The following CNKSR3 variants were observed in gnomAD, a reference collection of about 807,000 sequenced individuals.
CNKSR3 encodes the protein connector enhancer of kinase suppressor of ras 3.
In CNKSR3, 36 loss-of-function variants were observed where a neutral mutation model predicts 67.7. That is an observed-to-expected ratio of 0.53 (90% CI 0.41 to 0.70). The LOEUF is 0.70. Ranked by LOEUF, CNKSR3 falls within the 30% of genes least tolerant of loss-of-function variation. The pLI is 0.00. For missense variants in CNKSR3, 630 were observed against 695.2 expected (o/e 0.91, Z 1.05); for synonymous variants, 281 against 271.4 (o/e 1.04, Z -0.35).
intron 1 of CNKSR3, among the ~76,000 whole-genome samples, chr6:154,474,320 G>A (rs1786395001): frequency 6.6e-6 from 1 of 151,592 alleles, no homozygotes. Flanking sequence ...GGCTGAGGCA[G>A]GGGAATCGCT....
At chr6:154,441,660 T>G (rs1422735858) in intron 3 of CNKSR3, among the ~76,000 whole-genome samples, 1 of 151,948 alleles carries the variant, frequency 6.6e-6, no homozygotes, top group Non-Finnish European at 1.5e-5. Flanking sequence ...AATTTTGTAT[T>G]AAATTAGTTT....
At chr6:154,500,662 T>C (rs939393577) in intron 1 of CNKSR3, among the ~76,000 whole-genome samples, 1 of 152,216 alleles carries the variant, frequency 6.6e-6, no homozygotes, top group South Asian at 2.1e-4. Context: ...ACCAAAAGTA[T>C]GGGAGCTATA....
chr6:154,444,684 C>T (rs1785671242), intron 2 of CNKSR3, among the ~76,000 whole-genome samples: 1 of 150,804 alleles, frequency 6.6e-6, no homozygotes, highest in Admixed American at 6.6e-5. Flanking sequence ...CGGCTCACTG[C>T]AACCTCTGAC....
rs767855966 is a variant in CNKSR3 at position 154,406,561 on chromosome 6, G to A, written c.1461C>T (p.Pro487=). The change falls in exon 13 of 13, where the codon CCC becomes CCT. Residue 487 remains proline, a synonymous_variant. Transcript: ENST00000607772. ...CCCGGACCAGATGCCGCTCGGTCGTGGGTCTGGAGAACCGGTATGGGGGAG... is the reference window on the plus strand; with the variant it reads ...CCCGGACCAGATGCCGCTCGGTCGTAGGTCTGGAGAACCGGTATGGGGGAG... ...SSSPPYRFSR[P]TTERHLVRGA... The A allele has an allele frequency of 3.1e-6, 5 of 1,614,070 alleles. No homozygotes were observed. The African/African-American group carries it at 6.7e-5, about 22-fold the overall frequency.
chr6:154,493,193 G>C (rs6899353), intron 1 of CNKSR3, among the ~76,000 whole-genome samples: 58,855 of 151,900 alleles, frequency 0.39, 11,573 homozygotes, highest in African/African-American at 0.47. Flanking sequence ...TGCACTCGCT[G>C]TTCCCTTTGT....
In CNKSR3 at chr6:154,414,394, G is replaced by C. The variant is rs1784971903; in HGVS notation, c.975C>G (p.Ser325=). The C allele has an allele frequency of 6.2e-7, 1 of 1,605,142 alleles. No individual in the cohort carries two copies. Among genetic ancestry groups the C allele is most frequent in the Non-Finnish European group, 8.5e-7 (1 of 1,177,250 alleles). ...GTGAGGTATCCATAGTGCTTTCAGGGGACTGGGTTGTCGCGGGTGGAGGTG... is the reference window on the plus strand; with the variant it reads ...GTGAGGTATCCATAGTGCTTTCAGGCGACTGGGTTGTCGCGGGTGGAGGTG... ...QTSPPPATTQ[S]PESTMDTSLK... Residue 325 remains serine, a synonymous_variant, in exon 10 of 13, where the codon TCC becomes TCG. Coordinates refer to ENST00000607772, the MANE Select transcript of CNKSR3 (RefSeq NM_173515.4).
intron 1 of CNKSR3, among the ~76,000 whole-genome samples, chr6:154,500,157 C>G (rs1020058908): frequency 3.3e-5 from 5 of 151,994 alleles, no homozygotes; most frequent in African/African-American, 1.2e-4. Context: ...CATATTCCAA[C>G]TAGTATTTTG....
intron 1 of CNKSR3, among the ~76,000 whole-genome samples, chr6:154,459,351 AC>A (rs1352875382): frequency 6.6e-6 from 1 of 152,194 alleles, no homozygotes; most frequent in Non-Finnish European, 1.5e-5. Flanking sequence ...CCAACTTACA[AC>A]CAGCAAAGTT....
chr6:154,447,025 C>T (rs771480776), intron 2 of CNKSR3, among the ~76,000 whole-genome samples: 2 of 152,118 alleles, frequency 1.3e-5, no homozygotes, highest in Admixed American at 6.5e-5. Context: ...AGGATGGTCT[C>T]GATATCCTGA....
chr6:154,473,579 G>T (rs1269621349), intron 1 of CNKSR3, among the ~76,000 whole-genome samples: 1 of 152,204 alleles, frequency 6.6e-6, no homozygotes, highest in African/African-American at 2.4e-5. Context: ...GTTGTACAGT[G>T]AGCGCATGCA....
chr6:154,396,844 G>T lies in CNKSR3; in HGVS notation c.*9510C>A, dbSNP rs910397684. The T allele has an allele frequency of 1.3e-5, 2 of 150,676 alleles. No homozygotes were observed. Among genetic ancestry groups the T allele is most frequent in the African/African-American group, 4.9e-5 (2 of 40,910 alleles). The allele number at this position is 150,676 out of a possible 1,614,324, so 9.3% of individuals were successfully genotyped here. ...AGACGGAGTCTCGCTCTGTCTCCCAGGCTGGAGTGCAGTGGCGCAATCTCG... is the reference window on the plus strand; with the variant it reads ...AGACGGAGTCTCGCTCTGTCTCCCATGCTGGAGTGCAGTGGCGCAATCTCG... On this transcript the variant is annotated 3_prime_UTR_variant, in exon 13 of 13. Transcript: ENST00000607772.
At chr6:154,469,537 G>A (rs760271667) in intron 1 of CNKSR3, among the ~76,000 whole-genome samples, 5 of 152,246 alleles carry the variant, frequency 3.3e-5, no homozygotes, top group Non-Finnish European at 5.9e-5. Flanking sequence ...ACAGTGGGAC[G>A]ATGACACCAG....
At chr6:154,452,011 C>T (rs1785845388) in intron 1 of CNKSR3, among the ~76,000 whole-genome samples, 2 of 152,184 alleles carry the variant, frequency 1.3e-5, no homozygotes, top group Non-Finnish European at 2.9e-5. Flanking sequence ...GACCAACACC[C>T]TACCTGGGCT....
rs1784621359 is a variant in CNKSR3 at position 154,392,693 on chromosome 6, T to C, written c.*13661A>G. On this transcript the variant is annotated 3_prime_UTR_variant, in exon 13 of 13. Transcript: ENST00000607772. ...CAAACTAGCAGCAGGATTTGCTTCA[T>C]TAGCATCGATGTTTGGGGAACAAGG... 1 of 152,274 alleles carries C rather than the reference T, an allele frequency of 6.6e-6. No homozygotes were observed. Among genetic ancestry groups the C allele is most frequent in the Non-Finnish European group, 1.5e-5 (1 of 68,066 alleles). 9.4% of individuals were successfully genotyped at this position (152,274 alleles called of 1,614,324 possible).
At chr6:154,460,020 C>A (rs1319486265) in intron 1 of CNKSR3, among the ~76,000 whole-genome samples, 1 of 152,224 alleles carries the variant, frequency 6.6e-6, no homozygotes, top group Non-Finnish European at 1.5e-5. Context: ...CAACTTCTGA[C>A]GACTGTGAAA....
At chr6:154,497,951 A>G (rs1019613988) in intron 1 of CNKSR3, among the ~76,000 whole-genome samples, 3 of 152,218 alleles carry the variant, frequency 2.0e-5, no homozygotes, top group African/African-American at 7.2e-5. Flanking sequence ...TTTAGGTGAT[A>G]TGTGAAAACT....
chr6:154,486,584 C>T (rs1292178851), intron 1 of CNKSR3, among the ~76,000 whole-genome samples: 1 of 145,944 alleles, frequency 6.9e-6, no homozygotes, highest in Non-Finnish European at 1.5e-5. Flanking sequence ...CCTCCCCCTC[C>T]TGGGTTCCAG....
intron 1 of CNKSR3, among the ~76,000 whole-genome samples, chr6:154,489,465 A>T (rs1440145954): frequency 6.6e-6 from 1 of 152,176 alleles, no homozygotes; most frequent in Non-Finnish European, 1.5e-5. Flanking sequence ...CGGGAGGTGG[A>T]GGTTGCAGTA....
intron 6 of CNKSR3, among the ~76,000 whole-genome samples, chr6:154,428,689 T>TTTTTTTA: frequency 2.8e-5 from 1 of 35,418 alleles, no homozygotes; most frequent in African/African-American, 1.0e-4. Context: ...CAGCTAATTA[T>TTTTTTTA]TTTTTTTTTT....
Sources: gnomAD v4.1 joint callset for allele counts (sites outside exome capture counted in the v4.1 genomes callset) on GRCh38, gnomAD v4.1.1 for gene constraint, MANE v1.5 for transcripts, NCBI Gene and HGNC (gene_info 2026-07-23, HGNC 2026-07-21) for gene names.